The following NELL1 variants were observed in gnomAD, a reference collection of about 807,000 sequenced individuals.
NELL1 encodes protein kinase C-binding protein NELL1.
In NELL1, 76 loss-of-function variants were observed where a neutral mutation model predicts 107.4. The observed-to-expected ratio is 0.71, with a 90% CI of 0.59 to 0.86. NELL1 has a LOEUF of 0.86. NELL1 is among the 40% of genes least tolerant of loss of function. NELL1 has a pLI of 0.00. For missense variants in NELL1, 1,024 were observed against 1,005.5 expected (o/e 1.02, Z -0.25); for synonymous variants, 353 against 341.2 (o/e 1.03, Z -0.38).
In NELL1 at chr11:20,824,832, A is replaced by G. The variant is rs1049954724; in HGVS notation, c.336-22751A>G. On this transcript the variant is annotated intron_variant, in intron 3 of 19. Transcript: ENST00000357134. ...GGAAGCAGAACATAAAAGTTTGGAA[A>G]GTTTGTAGACTGACAATGCGATAGA... 2.6e-5 allele frequency among the ~76,000 whole-genome samples: 4 copies of G among 151,402 alleles called. 1 individual carries two copies. Among genetic ancestry groups the G allele is most frequent in the Non-Finnish European group, 5.9e-5 (4 of 67,618 alleles).
intron 12 of NELL1, among the ~76,000 whole-genome samples, chr11:20,964,304 A>G (rs12416773): frequency 0.24 from 35,959 of 152,042 alleles, 4,659 homozygotes; most frequent in East Asian, 0.5. Context: ...GTCTACCTAG[A>G]TAGAGTCTCA....
intron 2 of NELL1, among the ~76,000 whole-genome samples, chr11:20,706,728 A>G (rs1453824807): frequency 6.6e-6 from 1 of 151,136 alleles, no homozygotes; most frequent in Non-Finnish European, 1.5e-5. Context: ...TGACTTGTAG[A>G]GTTTCTGCTG....
At chr11:20,892,718 C>G (rs1849641935) in intron 5 of NELL1, among the ~76,000 whole-genome samples, 1 of 152,184 alleles carries the variant, frequency 6.6e-6, no homozygotes, top group Non-Finnish European at 1.5e-5. Context: ...ATCATGAGGT[C>G]AGGAGTTCAA....
intron 2 of NELL1, among the ~76,000 whole-genome samples, chr11:20,696,504 T>C (rs778426682): frequency 2.0e-5 from 3 of 152,134 alleles, no homozygotes; most frequent in Non-Finnish European, 4.4e-5. Context: ...ATATTTAACA[T>C]TATTGCCACA....
intron 15 of NELL1, among the ~76,000 whole-genome samples, chr11:21,431,145 A>C (rs920348211): frequency 1.3e-5 from 2 of 152,018 alleles, no homozygotes; most frequent in Admixed American, 1.3e-4. Flanking sequence ...GCTGACATCT[A>C]CTTGGCTGAT....
At chr11:21,098,891 C>T (rs1431091221) in intron 12 of NELL1, among the ~76,000 whole-genome samples, 1 of 152,028 alleles carries the variant, frequency 6.6e-6, no homozygotes, top group Non-Finnish European at 1.5e-5. Context: ...AACTCTCAGG[C>T]ATGTCTCTGA....
chr11:21,372,688 G>T (rs944464380), intron 15 of NELL1, among the ~76,000 whole-genome samples: 6 of 151,430 alleles, frequency 4.0e-5, no homozygotes, highest in African/African-American at 1.2e-4. Flanking sequence ...GGAATATCAG[G>T]GGGTGGTTTC....
At chr11:20,691,453 G>A (rs1049700813) in intron 2 of NELL1, among the ~76,000 whole-genome samples, 204 of 152,000 alleles carry the variant, frequency 1.3e-3, no homozygotes, top group Non-Finnish European at 2.4e-3. Flanking sequence ...TTTGAGATAC[G>A]TCCCATCAAT....
At chr11:21,437,106 C>T (rs1390267731) in intron 15 of NELL1, among the ~76,000 whole-genome samples, 1 of 152,062 alleles carries the variant, frequency 6.6e-6, no homozygotes, top group African/African-American at 2.4e-5. Flanking sequence ...GTAAAATGTT[C>T]TGCAAATATC....
chr11:21,511,665 A>G (rs1855439194), intron 15 of NELL1, among the ~76,000 whole-genome samples: 1 of 152,190 alleles, frequency 6.6e-6, no homozygotes, highest in African/African-American at 2.4e-5. Context: ...ACTGCGAGCT[A>G]AATAAAAGAA....
chr11:21,079,593 TAGTAA>T (rs1432270655), intron 12 of NELL1, among the ~76,000 whole-genome samples: 1 of 152,016 alleles, frequency 6.6e-6, no homozygotes, highest in South Asian at 2.1e-4. Flanking sequence ...GAGAAACGTC[TAGTAA>T]AGTAAACCTC....
intron 13 of NELL1, among the ~76,000 whole-genome samples, chr11:21,218,491 G>C (rs1368510363): frequency 1.3e-5 from 2 of 152,002 alleles, no homozygotes; most frequent in Non-Finnish European, 2.9e-5. Flanking sequence ...TTTGTGTTAG[G>C]AAAATTCAAA....
intron 3 of NELL1, among the ~76,000 whole-genome samples, chr11:20,799,379 C>T (rs1205429606): frequency 6.6e-6 from 1 of 152,198 alleles, no homozygotes; most frequent in African/African-American, 2.4e-5. Flanking sequence ...TTCAGGACAA[C>T]AGTTACTTAC....
intron 4 of NELL1, among the ~76,000 whole-genome samples, chr11:20,861,933 A>G (rs113451727): frequency 0.011 from 1,662 of 152,320 alleles, 22 homozygotes; most frequent in African/African-American, 0.037. Context: ...GTGACAGTGC[A>G]TTTAGATCAA....
chr11:21,187,546 A>G (rs1483933414), intron 13 of NELL1, among the ~76,000 whole-genome samples: 4 of 151,662 alleles, frequency 2.6e-5, no homozygotes. Context: ...TCCCTTTCAA[A>G]TTTTTGCCTA....
chr11:20,988,383 A>ATG (rs1831208412), intron 12 of NELL1, among the ~76,000 whole-genome samples: 1 of 151,446 alleles, frequency 6.6e-6, no homozygotes, highest in African/African-American at 2.4e-5. Flanking sequence ...GTACATATAT[A>ATG]TGTGTATATA....
intron 14 of NELL1, among the ~76,000 whole-genome samples, chr11:21,290,589 G>A (rs2133959064): frequency 6.6e-6 from 1 of 152,162 alleles, no homozygotes; most frequent in Non-Finnish European, 1.5e-5. Flanking sequence ...CCTCATACAG[G>A]AAAGCTCTGG....
At chr11:21,355,953 A>G (rs186899971) in intron 14 of NELL1, among the ~76,000 whole-genome samples, 47 of 152,148 alleles carry the variant, frequency 3.1e-4, no homozygotes, top group African/African-American at 1.0e-3. Context: ...TTTGCCTGGA[A>G]CATTCTTTGC....
chr11:21,218,300 C>T (rs1309585616), intron 13 of NELL1, among the ~76,000 whole-genome samples: 4 of 152,058 alleles, frequency 2.6e-5, no homozygotes, highest in Non-Finnish European at 1.5e-5. Flanking sequence ...TCTGCCTGAA[C>T]TATTAGCTGT....
Sources: allele counts gnomAD v4.1 joint callset (sites outside exome capture counted in the v4.1 genomes callset), GRCh38; gene constraint gnomAD v4.1.1; transcripts MANE v1.5; gene names NCBI Gene and HGNC (gene_info 2026-07-23, HGNC 2026-07-21).